The following ALS2 variants were observed in gnomAD, a reference collection of about 807,000 sequenced individuals.
The protein encoded by ALS2 is alsin.
ALS2 carries 117 observed loss-of-function variants against 203.4 expected under a neutral mutation model. The ratio of observed to expected loss-of-function variants is 0.58; its 90% CI spans 0.50 to 0.67. ALS2 has a LOEUF of 0.67. Ranked by LOEUF, ALS2 falls within the 30% of genes least tolerant of loss-of-function variation. The pLI, the probability that ALS2 is intolerant of heterozygous loss-of-function variation, is 0.00. For missense variants in ALS2, 1,715 were observed against 1,989.4 expected (o/e 0.86, Z 2.62); for synonymous variants, 718 against 725.9 (o/e 0.99, Z 0.17).
rs1401070344 is a variant in ALS2 at position 201,761,728 on chromosome 2, A to G, written c.266T>C (p.Val89Ala). 1.2e-6 allele frequency: 2 copies of G among 1,614,110 alleles called. No individual in the cohort carries two copies. The highest frequency in any genetic ancestry group is 1.7e-6 in the Non-Finnish European group (2 of 1,180,028). ...PSSPILENAL[V>A]GQYVITVATG... ...TGCCACAGTAATAACATATTGCCCA[A>G]CCAGGGCATTTTCTAGAATGGGGCT... Residue 89 changes from valine to alanine, a missense_variant, in exon 4 of 34, where the codon GTT becomes GCT. This residue lies in a region of ALS2 where 476 missense variants were observed against 539.3 expected (regional missense o/e 0.88). Coordinates refer to ENST00000264276, the MANE Select transcript of ALS2 (RefSeq NM_020919.4).
In ALS2 at chr2:201,744,290, T is replaced by C; in HGVS notation, c.2138A>G (p.Lys713Arg). ...GAGAAGAGGCCTGAGAATCTGAGATTTGATATCACTTAGTTTTGAATAGAA... is the reference window on the plus strand; with the variant it reads ...GAGAAGAGGCCTGAGAATCTGAGATCTGATATCACTTAGTTTTGAATAGAA... ...RRFYSKLSDI[K>R]SQILRPLLSL... The change falls in exon 10 of 34, where the codon AAA becomes AGA. Residue 713 changes from lysine to arginine, a missense_variant. Lys to Arg is a conservative substitution (Grantham distance 26). Coordinates refer to ENST00000264276, the MANE Select transcript of ALS2 (RefSeq NM_020919.4). 1 of 1,614,110 alleles carries C rather than the reference T, an allele frequency of 6.2e-7. No homozygotes were observed.
chr2:201,749,941 A>T, intron 7 of ALS2, 152 bp from the exon 8 acceptor site: 1 of 709,440 alleles, frequency 1.4e-6, no homozygotes, highest in Admixed American at 2.2e-5. Context: ...ACAGATATTA[A>T]GGAAATTCAT....
intron 27 of ALS2, among the ~76,000 whole-genome samples, 182 bp downstream of exon 27, chr2:201,709,699 A>C (rs1689920886): frequency 6.6e-6 from 1 of 152,220 alleles, no homozygotes; most frequent in Non-Finnish European, 1.5e-5. Flanking sequence ...ATAAATAACA[A>C]TAGCTAAGGT....
rs752016144 is a variant in ALS2, at chr2:201,729,064, G to T, written c.2700C>A (p.Pro900=). 6.2e-7 allele frequency: 1 copy of T among 1,614,058 alleles called. No homozygotes were observed. ...TGGCATGGCTTACCGTCATTTTTCC[G>T]GGGAAGGTCTTCCAGAAGCCCAGTG... ...EYTLGFWKTF[P]GKMTDSLRKP... Residue 900 remains proline (P), a synonymous_variant, in exon 14 of 34, where the codon CCC becomes CCA. Coordinates refer to ENST00000264276, the MANE Select transcript of ALS2 (RefSeq NM_020919.4).
At chr2:201,755,762 T>C (rs1011369111) in intron 5 of ALS2, among the ~76,000 whole-genome samples, 6 of 152,354 alleles carry the variant, frequency 3.9e-5, no homozygotes, top group African/African-American at 1.4e-4. Context: ...AAAAAATGTT[T>C]TAAAAGAACA....
intron 1 of ALS2, chr2:201,779,978 C>T (rs1433741146): frequency 6.6e-6 from 1 of 152,146 alleles, no homozygotes; most frequent in Admixed American, 6.6e-5. Context: ...AAGTTTTGTA[C>T]CTGCTCAGAA....
intron 25 of ALS2, among the ~76,000 whole-genome samples, chr2:201,715,416 G>T (rs1690309093): frequency 1.3e-5 from 2 of 152,160 alleles, no homozygotes; most frequent in East Asian, 1.9e-4. Flanking sequence ...GTGGTACTTT[G>T]AATTCAGGTT....
intron 12 of ALS2, among the ~76,000 whole-genome samples, chr2:201,736,068 T>C (rs1691857750): frequency 6.6e-6 from 1 of 151,944 alleles, no homozygotes; most frequent in South Asian, 2.1e-4. Flanking sequence ...AATAAAGATA[T>C]TTAAAATAAT....
rs1574799568 is a variant in ALS2, at chr2:201,767,248, A to G, written c.156T>C (p.His52=). ...TVLQAALGVK[H]GVLLTEDGEV... is the part of the protein sequence containing the mutation. ...CATTACCTTCAGTCAGAAGAACTCC[A>G]TGTTTCACTCCGAGGGCTGCCTGCA... Residue 52 remains histidine (H), a synonymous_variant, in exon 3 of 34, where the codon CAT becomes CAC. Coordinates refer to ENST00000264276, the MANE Select transcript of ALS2 (RefSeq NM_020919.4). 1 of 1,613,966 alleles carries G rather than the reference A, an allele frequency of 6.2e-7. No individual in the cohort carries two copies. Among genetic ancestry groups the G allele is most frequent in the Non-Finnish European group, 8.5e-7 (1 of 1,179,986 alleles).
chr2:201,710,049 A>G lies in ALS2; in HGVS notation c.4123-11T>C, dbSNP rs371935576. The G allele has an allele frequency of 6.2e-6, 10 of 1,613,648 alleles. No individual in the cohort carries two copies. The highest frequency in any genetic ancestry group is 7.6e-6 in the Non-Finnish European group (9 of 1,179,756). Reference sequence around the variant, plus strand: ...AGGAGTGTCACAGGCCTGAGTAGGAAAAGAATCAATGAAGTCAGTTGATGT... The same window carrying G: ...AGGAGTGTCACAGGCCTGAGTAGGAGAAGAATCAATGAAGTCAGTTGATGT... On this transcript the variant is annotated splice_polypyrimidine_tract_variant and intron_variant, in intron 26 of 33. Transcript: ENST00000264276.
chr2:201,750,988 G>A (rs1260387592), intron 7 of ALS2, among the ~76,000 whole-genome samples: 2 of 151,758 alleles, frequency 1.3e-5, no homozygotes, highest in Non-Finnish European at 2.9e-5. Context: ...AAGTAGCTAG[G>A]ATTACAGGCG....
At chr2:201,770,630 T>G (rs1694332857) in intron 1 of ALS2, among the ~76,000 whole-genome samples, 1 of 152,174 alleles carries the variant, frequency 6.6e-6, no homozygotes, top group Non-Finnish European at 1.5e-5. Flanking sequence ...GATAGAAAGA[T>G]TATCCTGGTT....
At position 201,726,491 on chromosome 2, in the gene ALS2, C is replaced by T; in HGVS notation, c.3241G>A (p.Glu1081Lys). ...TTTACACAATTTTCTTACCCATCTTCCAAGCCATTCCTGAACATGCCAGAA... is the reference window on the plus strand; with the variant it reads ...TTTACACAATTTTCTTACCCATCTTTCAAGCCATTCCTGAACATGCCAGAA... ...MYSGMFRNGL[E>K]DGYGEYRIPN... The change falls in exon 19 of 34, where the codon GAA becomes AAA. Residue 1081 changes from glutamate (E) to lysine (K), a missense_variant. Coordinates refer to ENST00000264276, the MANE Select transcript of ALS2 (RefSeq NM_020919.4). The T allele has an allele frequency of 6.2e-7, 1 of 1,614,006 alleles. No homozygotes were observed. The highest frequency in any genetic ancestry group is 2.2e-5 in the East Asian group (1 of 44,886).
At chr2:201,772,278 T>TAAC (rs3057124) in intron 1 of ALS2, among the ~76,000 whole-genome samples, 90,656 of 151,008 alleles carry the variant, frequency 0.6, 29,545 homozygotes, top group Non-Finnish European at 0.73. Context: ...GAAGTGCCCT[T>TAAC]AACAACAACA....
chr2:201,776,926 T>C (rs548664807), intron 1 of ALS2, among the ~76,000 whole-genome samples: 7 of 152,352 alleles, frequency 4.6e-5, no homozygotes, highest in Non-Finnish European at 8.8e-5. Context: ...TATTATTCAT[T>C]AGTCAACCAT....
At chr2:201,735,491 C>T (rs572792734) in intron 12 of ALS2, among the ~76,000 whole-genome samples, 1 of 152,316 alleles carries the variant, frequency 6.6e-6, no homozygotes, top group East Asian at 1.9e-4. Flanking sequence ...GCATCATCAT[C>T]CAAGATCCAC....
chr2:201,711,096 C>A lies in ALS2; in HGVS notation c.4017G>T (p.Leu1339=). The change falls in exon 26 of 34, where the codon CTG becomes CTT. Residue 1339 remains leucine (L), a synonymous_variant. Coordinates refer to ENST00000264276, the MANE Select transcript of ALS2 (RefSeq NM_020919.4). ...CTAGTGTCTGAGTCTGTGAACGACT[C>A]AGTATTTCTGGACTATAAAAAGGGA... ...RRQHRDSPEI[L]SRSQTQTLES... is the part of the protein sequence containing the mutation. The A allele has an allele frequency of 6.2e-7, 1 of 1,600,132 alleles. No homozygotes were observed. The highest frequency in any genetic ancestry group is 8.6e-7 in the Non-Finnish European group (1 of 1,167,618).
intron 31 of ALS2, 63 bp downstream of exon 31, chr2:201,705,076 T>C (rs1338898231): frequency 6.9e-7 from 1 of 1,456,268 alleles, no homozygotes; most frequent in African/African-American, 1.4e-5. Context: ...ATCATATTAA[T>C]AATATCTTAA....
intron 1 of ALS2, among the ~76,000 whole-genome samples, chr2:201,772,599 T>C (rs1694449992): frequency 6.6e-6 from 1 of 152,196 alleles, no homozygotes; most frequent in Non-Finnish European, 1.5e-5. Context: ...ATATATAGTT[T>C]ATGCATCTTA....
Sources: gnomAD v4.1 joint callset for allele counts (sites outside exome capture counted in the v4.1 genomes callset) on GRCh38, gnomAD v4.1.1 for gene constraint, gnomAD v4.1.1 regional missense constraint, MANE v1.5 for transcripts, NCBI Gene and HGNC (gene_info 2026-07-23, HGNC 2026-07-21) for gene names.